MGMT: variants seen among roughly 807,000 people sequenced by gnomAD.
MGMT encodes the protein methylated-DNA--protein-cysteine methyltransferase.
A neutral mutation model predicts 15.9 loss-of-function variants in MGMT; 14 were observed. The observed-to-expected ratio is 0.88, with a 90% CI of 0.58 to 1.37. The LOEUF (loss-of-function observed/expected upper bound fraction) is 1.37. Among genes scored for constraint, MGMT ranks in the 40% most tolerant of loss-of-function variants. The pLI, the probability that MGMT is intolerant of heterozygous loss-of-function variation, is 0.00. For missense variants in MGMT, 282 were observed against 268.1 expected, an observed-to-expected ratio of 1.05 and a Z score of -0.36; for synonymous variants, 130 against 118.2, an observed-to-expected ratio of 1.10 and a Z score of -0.65.
intron 2 of MGMT, chr10:129,700,953 CCCGGAGT>C (rs1330849999): frequency 1.3e-5 from 2 of 152,198 alleles, no homozygotes; most frequent in Non-Finnish European, 2.9e-5. Context: ...CTACATGAGC[CCCGGAGT>C]CTGCTGCTCT....
intron 1 of MGMT, among the ~76,000 whole-genome samples, chr10:129,515,761 G>A (rs893556781): frequency 6.6e-6 from 1 of 152,158 alleles, no homozygotes; most frequent in South Asian, 2.1e-4. Context: ...TGGGCCTGTG[G>A]ACTGTAAAAG....
intron 3 of MGMT, among the ~76,000 whole-genome samples, chr10:129,730,171 G>C (rs903358682): frequency 3.3e-5 from 5 of 152,126 alleles, no homozygotes; most frequent in Non-Finnish European, 5.9e-5. Flanking sequence ...ACATACTTAG[G>C]TTCTTTGGGG....
chr10:129,485,769 A>G (rs1845402018), intron 1 of MGMT, among the ~76,000 whole-genome samples: 1 of 152,238 alleles, frequency 6.6e-6, no homozygotes, highest in African/African-American at 2.4e-5. Context: ...TGTCATGGCT[A>G]GAAGTGGGAT....
intron 2 of MGMT, among the ~76,000 whole-genome samples, chr10:129,684,184 A>G (rs1847882223): frequency 6.6e-6 from 1 of 152,248 alleles, no homozygotes; most frequent in South Asian, 2.1e-4. Context: ...GGAATGAGCA[A>G]GTGTACTTGC....
intron 2 of MGMT, among the ~76,000 whole-genome samples, chr10:129,705,528 G>A (rs373269348): frequency 1.9e-4 from 29 of 152,218 alleles, no homozygotes; most frequent in African/African-American, 6.3e-4. Context: ...GAAGGTGTTC[G>A]GCTTCCTTTT....
chr10:129,624,273 G>GC, intron 2 of MGMT, among the ~76,000 whole-genome samples: 1 of 152,318 alleles, frequency 6.6e-6, no homozygotes, highest in East Asian at 1.9e-4. Flanking sequence ...GGATGGTCCT[G>GC]CTCCCCCGGG....
At chr10:129,551,974 A>G (rs954980951) in intron 2 of MGMT, among the ~76,000 whole-genome samples, 1 of 152,192 alleles carries the variant, frequency 6.6e-6, no homozygotes, top group Non-Finnish European at 1.5e-5. Context: ...GCTTGCCGGA[A>G]GTGGGGCTCA....
chr10:129,676,054 C>T (rs914793291), intron 2 of MGMT, among the ~76,000 whole-genome samples: 3 of 152,164 alleles, frequency 2.0e-5, no homozygotes, highest in African/African-American at 7.2e-5. Context: ...GAAGGGGCTC[C>T]ATTGGCTGAG....
At chr10:129,477,986 C>A (rs553864070) in intron 1 of MGMT, among the ~76,000 whole-genome samples, 29 of 152,240 alleles carry the variant, frequency 1.9e-4, no homozygotes, top group African/African-American at 6.7e-4. Flanking sequence ...AAACAGAAAC[C>A]CAGATTTCAT....
chr10:129,722,500 G>A (rs968451153), intron 3 of MGMT, among the ~76,000 whole-genome samples: 1 of 152,142 alleles, frequency 6.6e-6, no homozygotes, highest in Non-Finnish European at 1.5e-5. Flanking sequence ...ATTTCAAAAT[G>A]CAAAGAGCCT....
chr10:129,708,838 A>AT lies in MGMT; in HGVS notation c.274+798dup, dbSNP rs139452435. Among the ~76,000 whole-genome samples the AT allele has an allele frequency of 7.2e-3, 1,103 of 152,332 alleles. 14 individuals are homozygous for AT. Among genetic ancestry groups the AT allele is most frequent in the African/African-American group, 0.026 (1,078 of 41,574 alleles). Reference sequence around the variant, plus strand: ...TACCTTGAGATTTTAGATGTGGTGAATTTAAAGCAATTTTGAATTTCAGAT... The same window carrying AT: ...TACCTTGAGATTTTAGATGTGGTGAATTTTAAAGCAATTTTGAATTTCAGAT... On this transcript the variant is annotated intron_variant, in intron 3 of 4. Transcript: ENST00000651593.
At chr10:129,467,633 C>T (rs541683170) in intron 1 of MGMT, among the ~76,000 whole-genome samples, 1 of 152,344 alleles carries the variant, frequency 6.6e-6, no homozygotes, top group East Asian at 1.9e-4. Flanking sequence ...AGCTTTCCCT[C>T]CGCCAGCTGC....
At chr10:129,535,466 C>T (rs769111136) in intron 1 of MGMT, among the ~76,000 whole-genome samples, 4 of 152,196 alleles carry the variant, frequency 2.6e-5, no homozygotes, top group African/African-American at 9.7e-5. Context: ...TCCCCAGGCT[C>T]TATTCTTCAG....
At chr10:129,711,415 C>T (rs183979159) in intron 3 of MGMT, among the ~76,000 whole-genome samples, 1 of 152,310 alleles carries the variant, frequency 6.6e-6, no homozygotes, top group East Asian at 1.9e-4. Context: ...CCTTTCCCGA[C>T]CGGGTGTCCG....
intron 2 of MGMT, among the ~76,000 whole-genome samples, chr10:129,683,923 T>C (rs547321445): frequency 6.6e-6 from 1 of 152,202 alleles, no homozygotes; most frequent in Non-Finnish European, 1.5e-5. Context: ...CATTTCACAG[T>C]GTATTTTTTT....
At position 129,556,631 on chromosome 10, in the gene MGMT, C is replaced by T. The variant is rs191702963; in HGVS notation, c.125+20254C>T. On this transcript the variant is annotated intron_variant, in intron 2 of 4. Coordinates refer to ENST00000651593, the MANE Select transcript of MGMT (RefSeq NM_002412.5). This position sits in a 1 kb window ranked among gnomAD's most constrained non-coding sequence, Gnocchi z 4.3. ...GAACGTCCTGCTGTAGAAGAGGCGC[C>T]GCCATCCCAGACAGTGTTCATAAAC... is the stretch of plus-strand genomic sequence containing the variant. Among the ~76,000 whole-genome samples the T allele has an allele frequency of 2.7e-4, 41 of 152,318 alleles. No individual in the cohort carries two copies. In the South Asian group the frequency reaches 3.7e-3, roughly 14 times the overall value.
chr10:129,602,410 C>T (rs558738527), intron 2 of MGMT, among the ~76,000 whole-genome samples: 1 of 152,244 alleles, frequency 6.6e-6, no homozygotes, highest in African/African-American at 2.4e-5. Context: ...TAGAAAGACT[C>T]AGAGATGCGC....
At chr10:129,506,934 G>C (rs1196050197) in intron 1 of MGMT, among the ~76,000 whole-genome samples, 1 of 150,076 alleles carries the variant, frequency 6.7e-6, no homozygotes, top group Admixed American at 6.6e-5. Context: ...AGTCAGGGCT[G>C]TGGGCCCTGA....
At chr10:129,571,572 A>T (rs1846419896) in intron 2 of MGMT, among the ~76,000 whole-genome samples, 1 of 152,190 alleles carries the variant, frequency 6.6e-6, no homozygotes, top group Admixed American at 6.5e-5. Context: ...GGTATGAAAA[A>T]TTCAAAAGAC....
Sources: allele counts gnomAD v4.1 joint callset (sites outside exome capture counted in the v4.1 genomes callset), GRCh38; gene constraint gnomAD v4.1.1; non-coding constraint Gnocchi (gnomAD v3.1); transcripts MANE v1.5; gene names NCBI Gene and HGNC (gene_info 2026-07-23, HGNC 2026-07-21).